Variants in LOXL2 observed in about 807,000 individuals in gnomAD.
LOXL2 encodes lysyl oxidase like 2, also known as lysyl oxidase homolog 2.
LOXL2 carries 70 observed loss-of-function variants against 93.0 expected under a neutral mutation model. The ratio of observed to expected loss-of-function variants is 0.75; its 90% CI spans 0.62 to 0.92. The LOEUF is 0.92. Ranked by LOEUF, LOXL2 falls within the 40% of genes least tolerant of loss-of-function variation. LOXL2 has a pLI of 0.00. For synonymous variants in LOXL2, 438 were observed against 413.2 expected (o/e 1.06, Z -0.73); for missense variants, 973 against 1,054.9 (o/e 0.92, Z 1.08).
chr8:23,348,838 C>T (rs1164453848), intron 3 of LOXL2, among the ~76,000 whole-genome samples: 2 of 152,046 alleles, frequency 1.3e-5, no homozygotes, highest in African/African-American at 4.8e-5. Flanking sequence ...GATCACGACA[C>T]TGCACCCCAG....
Position 23,375,846 on chromosome 8 carries a change from G to A in LOXL2, c.-83-7412C>T, listed in dbSNP as rs186248564. ...GCTTAAGGAGATTTTGGGCTGAGACGATGGGGTTTTCTAAATATAAAATCA... is the reference window on the plus strand; with the variant it reads ...GCTTAAGGAGATTTTGGGCTGAGACAATGGGGTTTTCTAAATATAAAATCA... On this transcript the variant is annotated intron_variant, in intron 1 of 13. Transcript: ENST00000389131. Among the ~76,000 whole-genome samples, 64 of 152,280 alleles carry A rather than the reference G, an allele frequency of 4.2e-4. 1 individual carries two copies. Among genetic ancestry groups the A allele is most frequent in the South Asian group, 3.5e-3 (17 of 4,820 alleles).
intron 10 of LOXL2, among the ~76,000 whole-genome samples, chr8:23,303,670 G>A (rs1344143455): frequency 6.6e-6 from 1 of 152,178 alleles, no homozygotes; most frequent in Non-Finnish European, 1.5e-5. Flanking sequence ...GGGGTGCTGT[G>A]GGTACCAGGG....
chr8:23,355,512 CTTTTTTTTTTTT>C (rs58824822), intron 3 of LOXL2, among the ~76,000 whole-genome samples: 47 of 80,312 alleles, frequency 5.9e-4, no homozygotes, highest in South Asian at 4.0e-3. Context: ...TTGACATTCA[CTTTTTTTTTTTT>C]TTTTTTTTTT....
intron 1 of LOXL2, among the ~76,000 whole-genome samples, chr8:23,378,585 T>C (rs975138252): frequency 6.6e-6 from 1 of 152,174 alleles, no homozygotes; most frequent in Non-Finnish European, 1.5e-5. Context: ...ACCAATCAGA[T>C]GTAGCTTTGG....
chr8:23,388,592 G>GAAAAAC (rs1331203072), intron 1 of LOXL2, among the ~76,000 whole-genome samples: 16 of 140,572 alleles, frequency 1.1e-4, no homozygotes, highest in African/African-American at 3.7e-4. Context: ...TTGTCTCCAA[G>GAAAAAC]AAAAACAAAA....
intron 6 of LOXL2, 102 bp downstream of exon 6, chr8:23,328,280 G>T: frequency 5.5e-6 from 7 of 1,281,056 alleles, no homozygotes; most frequent in Non-Finnish European, 7.8e-6. Context: ...AGGGAGGAGG[G>T]AAAGTGAGGA....
chr8:23,373,871 C>G (rs886104722), intron 1 of LOXL2, among the ~76,000 whole-genome samples: 1 of 152,092 alleles, frequency 6.6e-6, no homozygotes, highest in South Asian at 2.1e-4. Flanking sequence ...CTTTCCCACC[C>G]CCATCCCCCA....
chr8:23,355,906 G>T lies in LOXL2; in HGVS notation c.531+4184C>A, dbSNP rs189572916. On this transcript the variant is annotated intron_variant, in intron 3 of 13. Coordinates refer to ENST00000389131, the MANE Select transcript of LOXL2 (RefSeq NM_002318.3). Reference sequence around the variant, plus strand: ...TTACAGATGTGAGCCAACCCAACAGGCCTTTTAAAAAAAAAGATCAATAGT... The same window carrying T: ...TTACAGATGTGAGCCAACCCAACAGTCCTTTTAAAAAAAAAGATCAATAGT... 3.4e-3 allele frequency among the ~76,000 whole-genome samples: 522 copies of T among 151,670 alleles called. 8 individuals carry two copies. The highest frequency in any genetic ancestry group is 0.012 in the African/African-American group (488 of 41,376).
chr8:23,357,830 T>C (rs766398512), intron 3 of LOXL2, among the ~76,000 whole-genome samples: 1 of 152,228 alleles, frequency 6.6e-6, no homozygotes, highest in Non-Finnish European at 1.5e-5. Flanking sequence ...TTTGCTTCCA[T>C]GTGCTTCTCA....
intron 6 of LOXL2, among the ~76,000 whole-genome samples, chr8:23,324,052 G>C (rs1803540885): frequency 6.6e-6 from 1 of 152,176 alleles, no homozygotes; most frequent in African/African-American, 2.4e-5. Context: ...CTGGAGAGCG[G>C]AGCATTTGTG....
At chr8:23,333,863 C>T (rs1245375924) in intron 4 of LOXL2, among the ~76,000 whole-genome samples, 1 of 152,200 alleles carries the variant, frequency 6.6e-6, no homozygotes, top group Non-Finnish European at 1.5e-5. Flanking sequence ...CCTCAGGCAG[C>T]TTCCATTCTA....
At chr8:23,381,871 A>G (rs1192972280) in intron 1 of LOXL2, among the ~76,000 whole-genome samples, 2 of 152,228 alleles carry the variant, frequency 1.3e-5, no homozygotes, top group Admixed American at 6.5e-5. Flanking sequence ...TTATAGGTGA[A>G]TGGGCACCTG....
intron 5 of LOXL2, 143 bp from the exon 6 acceptor site, chr8:23,328,708 G>GTTGTGTGTGTGTGT: frequency 4.7e-6 from 2 of 422,706 alleles, no homozygotes; most frequent in Non-Finnish European, 8.4e-6. Context: ...TTGATGTATG[G>GTTGTGTGTGTGTGT]ATGTGTGTGT....
chr8:23,373,637 A>G (rs1004605571), intron 1 of LOXL2, among the ~76,000 whole-genome samples: 1 of 152,208 alleles, frequency 6.6e-6, no homozygotes, highest in African/African-American at 2.4e-5. Flanking sequence ...ATGTGCAGGC[A>G]CTGTTCTCAA....
At chr8:23,388,421 ATT>A (rs1014676764) in intron 1 of LOXL2, among the ~76,000 whole-genome samples, 2 of 149,604 alleles carry the variant, frequency 1.3e-5, no homozygotes, top group East Asian at 3.9e-4. Context: ...CTACAAAAAA[ATT>A]TTTTTTTTTA....
intron 8 of LOXL2, among the ~76,000 whole-genome samples, chr8:23,319,031 G>C (rs1803451764): frequency 6.6e-6 from 1 of 152,228 alleles, no homozygotes; most frequent in South Asian, 2.1e-4. Flanking sequence ...CACTGGGGAA[G>C]GAGAGCTGGA....
intron 1 of LOXL2, among the ~76,000 whole-genome samples, chr8:23,393,020 AC>A (rs1159148413): frequency 2.0e-5 from 3 of 152,240 alleles, no homozygotes; most frequent in Non-Finnish European, 2.9e-5. Flanking sequence ...TAAACTTTAT[AC>A]CCTGAAAACT....
rs1158020504 is a variant in LOXL2 at position 23,388,648 on chromosome 8, C to T, written c.-84+15306G>A. Among the ~76,000 whole-genome samples, 12 of 117,440 alleles carry T rather than the reference C, an allele frequency of 1.0e-4. No individual in the cohort carries two copies. In the East Asian group the frequency reaches 2.6e-3, roughly 26 times the overall value. 77.0% of individuals were successfully genotyped at this position (117,440 alleles called of 152,430 possible). ...TCACACACACACACACACACACACA[C>T]ACACACACACACACACACACACTAG... On this transcript the variant is annotated intron_variant, in intron 1 of 13. Transcript: ENST00000389131.
intron 1 of LOXL2, among the ~76,000 whole-genome samples, chr8:23,399,110 T>C (rs1008715347): frequency 6.6e-6 from 1 of 152,238 alleles, no homozygotes; most frequent in Non-Finnish European, 1.5e-5. Context: ...CTTCCTTTTC[T>C]AGCCTGCAAC....
Sources: gnomAD v4.1 joint callset for allele counts (sites outside exome capture counted in the v4.1 genomes callset) on GRCh38, gnomAD v4.1.1 for gene constraint, MANE v1.5 for transcripts, NCBI Gene and HGNC (gene_info 2026-07-23, HGNC 2026-07-21) for gene names.